SGCZ: variants seen among roughly 807,000 people sequenced by gnomAD.
SGCZ encodes sarcoglycan zeta, also known as zeta-sarcoglycan.
A neutral mutation model predicts 41.3 loss-of-function variants in SGCZ; 40 were observed. That is an observed-to-expected ratio of 0.97 (90% CI 0.75 to 1.26). The LOEUF is 1.26. Among genes scored for constraint, SGCZ ranks in the 50% most tolerant of loss-of-function variants. SGCZ has a pLI of 0.00. For synonymous variants in SGCZ, 206 were observed against 137.5 expected (o/e 1.50, Z -3.49); for missense variants, 552 against 369.8 (o/e 1.49, Z -4.04).
At chr8:14,904,176 G>A (rs1261285430) in intron 1 of SGCZ, among the ~76,000 whole-genome samples, 1 of 151,986 alleles carries the variant, frequency 6.6e-6, no homozygotes, top group African/African-American at 2.4e-5. Flanking sequence ...TGAGGAAAAA[G>A]TGCAACTTGA....
chr8:14,395,326 T>C (rs1014221652), intron 2 of SGCZ, among the ~76,000 whole-genome samples: 1 of 152,192 alleles, frequency 6.6e-6, no homozygotes, highest in Non-Finnish European at 1.5e-5. Context: ...AGTAGGATTC[T>C]GAAACAGAAT....
chr8:14,827,909 A>T (rs1451982423), intron 1 of SGCZ, among the ~76,000 whole-genome samples: 2 of 152,158 alleles, frequency 1.3e-5, no homozygotes, highest in African/African-American at 4.8e-5. Context: ...TTGAATATAC[A>T]AGGGATCTTC....
chr8:14,531,866 T>A (rs1284081093), intron 2 of SGCZ, among the ~76,000 whole-genome samples: 3 of 152,106 alleles, frequency 2.0e-5, no homozygotes, highest in African/African-American at 7.2e-5. Context: ...AGAGATTAAA[T>A]AAGTTTGATA....
chr8:15,072,587 T>C lies in SGCZ; in HGVS notation c.39+164998A>G, dbSNP rs141764131. Among the ~76,000 whole-genome samples, 757 of 152,228 alleles carry C rather than the reference T, an allele frequency of 5.0e-3. 6 individuals are homozygous for C. Among genetic ancestry groups the C allele is most frequent in the Non-Finnish European group, 8.9e-3 (603 of 68,002 alleles). On this transcript the variant is annotated intron_variant, in intron 1 of 7. Coordinates refer to ENST00000382080, the MANE Select transcript of SGCZ (RefSeq NM_139167.4). ...CTTTTCTAGCTAAGCTGTGTAGAAATTGGATATAGAACATTAAATTTGGGA... is the reference window on the plus strand; with the variant it reads ...CTTTTCTAGCTAAGCTGTGTAGAAACTGGATATAGAACATTAAATTTGGGA...
At chr8:14,218,233 G>A (rs1806068529) in intron 4 of SGCZ, among the ~76,000 whole-genome samples, 1 of 152,130 alleles carries the variant, frequency 6.6e-6, no homozygotes. Context: ...TTATTAAAAT[G>A]TATGTGTATT....
chr8:14,911,905 C>G (rs1167130974), intron 1 of SGCZ, among the ~76,000 whole-genome samples: 2 of 151,810 alleles, frequency 1.3e-5, no homozygotes, highest in African/African-American at 4.8e-5. Flanking sequence ...TATTTTATCT[C>G]TATACTGCAA....
At chr8:14,869,242 G>A (rs755704210) in intron 1 of SGCZ, among the ~76,000 whole-genome samples, 5 of 152,116 alleles carry the variant, frequency 3.3e-5, no homozygotes, top group African/African-American at 9.7e-5. Context: ...TATCCACCAC[G>A]ATTAAGTTGA....
chr8:15,126,567 G>A (rs1440037288), intron 1 of SGCZ, among the ~76,000 whole-genome samples: 2 of 152,196 alleles, frequency 1.3e-5, no homozygotes. Context: ...TGGAAGAACT[G>A]ATGTGAAACG....
intron 1 of SGCZ, among the ~76,000 whole-genome samples, chr8:15,124,269 C>T (rs1807594381): frequency 6.6e-6 from 1 of 152,070 alleles, no homozygotes; most frequent in Non-Finnish European, 1.5e-5. Flanking sequence ...AAAAGTAAGT[C>T]TTCTTTCTAT....
At chr8:14,308,413 T>C (rs1478041704) in intron 3 of SGCZ, among the ~76,000 whole-genome samples, 3 of 152,006 alleles carry the variant, frequency 2.0e-5, no homozygotes, top group African/African-American at 7.2e-5. Context: ...GATATTCTTT[T>C]GATTAGTCTA....
intron 1 of SGCZ, among the ~76,000 whole-genome samples, chr8:14,797,929 G>A (rs1170177269): frequency 6.6e-6 from 1 of 152,206 alleles, no homozygotes; most frequent in Non-Finnish European, 1.5e-5. Flanking sequence ...GTACACAGAA[G>A]TCAAGAACTG....
chr8:15,203,732 A>G lies in SGCZ; in HGVS notation c.39+33853T>C, dbSNP rs114326545. Among the ~76,000 whole-genome samples the G allele has an allele frequency of 5.9e-3, 905 of 152,344 alleles. 10 individuals are homozygous for G. The highest frequency in any genetic ancestry group is 0.02 in the South Asian group (96 of 4,828). On this transcript the variant is annotated intron_variant, in intron 1 of 7. Coordinates refer to ENST00000382080, the MANE Select transcript of SGCZ (RefSeq NM_139167.4). ...GCCGTTCGGAAAGTCATTTTCAAAA[A>G]TGCATATGATTTAGCAGTGCTTCAA...
intron 1 of SGCZ, among the ~76,000 whole-genome samples, chr8:15,142,018 T>C (rs569379450): frequency 2.6e-5 from 4 of 152,226 alleles, no homozygotes; most frequent in African/African-American, 7.2e-5. Flanking sequence ...GAAAGCTCAA[T>C]TGGAAAGACC....
At chr8:14,156,623 A>C (rs1028284375) in intron 5 of SGCZ, among the ~76,000 whole-genome samples, 8 of 152,220 alleles carry the variant, frequency 5.3e-5, no homozygotes, top group Non-Finnish European at 8.8e-5. Flanking sequence ...GTACAAAACT[A>C]AACTATTTCT....
At chr8:14,541,901 A>G (rs571424192) in intron 2 of SGCZ, among the ~76,000 whole-genome samples, 3 of 152,030 alleles carry the variant, frequency 2.0e-5, no homozygotes, top group African/African-American at 7.2e-5. Flanking sequence ...GCTTTTTTCC[A>G]TATGTTTGTT....
At chr8:14,781,027 A>G (rs980144185) in intron 1 of SGCZ, among the ~76,000 whole-genome samples, 3 of 152,188 alleles carry the variant, frequency 2.0e-5, no homozygotes, top group African/African-American at 7.2e-5. Flanking sequence ...GACTTTTGTC[A>G]TCATTCTATA....
At chr8:15,184,156 T>C (rs1406607399) in intron 1 of SGCZ, among the ~76,000 whole-genome samples, 2 of 152,272 alleles carry the variant, frequency 1.3e-5, no homozygotes, top group Non-Finnish European at 2.9e-5. Flanking sequence ...CTCCTTAATA[T>C]GCTTGCTCAT....
chr8:14,470,896 G>C (rs577168976), intron 2 of SGCZ, among the ~76,000 whole-genome samples: 130 of 152,192 alleles, frequency 8.5e-4, no homozygotes, highest in African/African-American at 3.0e-3. Context: ...ACAATAAGTC[G>C]TGTTAACAAT....
chr8:14,371,343 T>A, intron 2 of SGCZ, among the ~76,000 whole-genome samples: 1 of 152,030 alleles, frequency 6.6e-6, no homozygotes, highest in Non-Finnish European at 1.5e-5. Flanking sequence ...TTCAGTTAAA[T>A]GACAACATTT....
Sources: allele counts gnomAD v4.1 joint callset (sites outside exome capture counted in the v4.1 genomes callset), GRCh38; gene constraint gnomAD v4.1.1; transcripts MANE v1.5; gene names NCBI Gene and HGNC (gene_info 2026-07-23, HGNC 2026-07-21).